The following CSMD1 variants were observed in gnomAD, a reference collection of about 807,000 sequenced individuals.
The protein encoded by CSMD1 is CUB and sushi domain-containing protein 1.
In CSMD1, 213 loss-of-function variants were observed where a neutral mutation model predicts 417.5. The observed-to-expected ratio is 0.51, with a 90% CI of 0.46 to 0.57. The LOEUF (loss-of-function observed/expected upper bound fraction) is 0.57. CSMD1 is among the 20% of genes least tolerant of loss of function. The pLI is 0.00. For missense variants in CSMD1, 6,923 were observed against 4,529.7 expected, an observed-to-expected ratio of 1.53 and a Z score of -15.17; for synonymous variants, 2,862 against 1,736.8, an observed-to-expected ratio of 1.65 and a Z score of -16.11.
At chr8:3,801,017 G>A (rs1800425701) in intron 5 of CSMD1, among the ~76,000 whole-genome samples, 1 of 151,578 alleles carries the variant, frequency 6.6e-6, no homozygotes, top group South Asian at 2.1e-4. Flanking sequence ...AAAAATATTT[G>A]AAAAAAGCAA....
intron 8 of CSMD1, among the ~76,000 whole-genome samples, chr8:3,596,190 T>C (rs1584938314): frequency 6.6e-6 from 1 of 152,062 alleles, no homozygotes. Flanking sequence ...GAAGCAGAGC[T>C]CCAGCAGCCT....
At chr8:3,962,215 G>A (rs1812377500) in intron 5 of CSMD1, among the ~76,000 whole-genome samples, 1 of 152,082 alleles carries the variant, frequency 6.6e-6, no homozygotes. Flanking sequence ...GGATTGTTTT[G>A]CACCTGTCAA....
chr8:3,540,506 T>C (rs1184667776), intron 10 of CSMD1, among the ~76,000 whole-genome samples: 1 of 152,032 alleles, frequency 6.6e-6, no homozygotes, highest in African/African-American at 2.4e-5. Flanking sequence ...CAAAAGCAAT[T>C]ACAACAAAAG....
At chr8:4,708,281 T>C (rs945446562) in intron 1 of CSMD1, among the ~76,000 whole-genome samples, 1 of 152,202 alleles carries the variant, frequency 6.6e-6, no homozygotes, top group African/African-American at 2.4e-5. Flanking sequence ...CTTCAGAATA[T>C]AAATCATTGT....
intron 3 of CSMD1, among the ~76,000 whole-genome samples, chr8:4,037,614 G>C (rs1002951505): frequency 1.8e-5 from 1 of 56,954 alleles, no homozygotes; most frequent in Admixed American, 1.5e-4. Context: ...ATGGACTTTA[G>C]GTCTCTTATA....
At chr8:4,856,963 AT>A (rs1169798876) in intron 1 of CSMD1, among the ~76,000 whole-genome samples, 3 of 151,630 alleles carry the variant, frequency 2.0e-5, no homozygotes, top group Non-Finnish European at 2.9e-5. Context: ...CAGAATATAC[AT>A]TTTTTTCAGC....
intron 2 of CSMD1, among the ~76,000 whole-genome samples, chr8:4,545,742 C>G (rs531223004): frequency 6.6e-6 from 1 of 152,272 alleles, no homozygotes; most frequent in South Asian, 2.1e-4. Context: ...CTTTCACAGG[C>G]ATCCATGGAA....
At chr8:3,558,311 CTCCAA>C (rs1799262995) in intron 10 of CSMD1, among the ~76,000 whole-genome samples, 1 of 139,836 alleles carries the variant, frequency 7.2e-6, no homozygotes, top group Non-Finnish European at 1.6e-5. Context: ...GTGTTCACTC[CTCCAA>C]TGATGAATGA....
At chr8:4,258,895 T>A (rs929887947) in intron 3 of CSMD1, among the ~76,000 whole-genome samples, 21 of 152,316 alleles carry the variant, frequency 1.4e-4, no homozygotes, top group Admixed American at 1.2e-3. Context: ...CCATGTGTTT[T>A]AAACTTTGCT....
At chr8:4,259,162 G>T (rs1177092893) in intron 3 of CSMD1, among the ~76,000 whole-genome samples, 3 of 152,242 alleles carry the variant, frequency 2.0e-5, no homozygotes, top group South Asian at 2.1e-4. Flanking sequence ...TCTCACACAC[G>T]AAGCTAAGGG....
intron 1 of CSMD1, among the ~76,000 whole-genome samples, chr8:4,679,150 C>G (rs1055430579): frequency 4.6e-5 from 7 of 152,058 alleles, no homozygotes; most frequent in Non-Finnish European, 8.8e-5. Context: ...TTGATATGGC[C>G]AAGATCAACC....
chr8:4,112,100 ACCACATTAGC>A (rs933354695), intron 3 of CSMD1, among the ~76,000 whole-genome samples: 2 of 152,156 alleles, frequency 1.3e-5, no homozygotes, highest in Non-Finnish European at 2.9e-5. Context: ...AACTGAAGGA[ACCACATTAGC>A]CCACAAGATC....
chr8:4,771,119 T>C (rs1318962603), intron 1 of CSMD1, among the ~76,000 whole-genome samples: 2 of 152,190 alleles, frequency 1.3e-5, no homozygotes, highest in African/African-American at 2.4e-5. Flanking sequence ...TATAACCTCA[T>C]GTTAAAATTG....
At chr8:4,300,019 G>A (rs919266424) in intron 3 of CSMD1, among the ~76,000 whole-genome samples, 1 of 152,162 alleles carries the variant, frequency 6.6e-6, no homozygotes, top group Non-Finnish European at 1.5e-5. Context: ...CTACAAGTTT[G>A]TATAAAGAGG....
chr8:4,879,150 T>G (rs1799312308), intron 1 of CSMD1, among the ~76,000 whole-genome samples: 3 of 151,962 alleles, frequency 2.0e-5, no homozygotes, highest in Admixed American at 2.0e-4. Flanking sequence ...GGTGGCAGCT[T>G]TAAAAAATAT....
At chr8:4,046,731 AC>A in intron 3 of CSMD1, among the ~76,000 whole-genome samples, 1 of 152,298 alleles carries the variant, frequency 6.6e-6, no homozygotes, top group East Asian at 1.9e-4. Flanking sequence ...AATGATTTAA[AC>A]TTTTTTTCTG....
intron 10 of CSMD1, among the ~76,000 whole-genome samples, chr8:3,527,848 G>C (rs1302688902): frequency 1.3e-5 from 2 of 152,206 alleles, no homozygotes; most frequent in African/African-American, 2.4e-5. Context: ...TCTCTTAACA[G>C]AGAGATACAT....
At chr8:4,244,624 T>A (rs907437702) in intron 3 of CSMD1, among the ~76,000 whole-genome samples, 9 of 152,072 alleles carry the variant, frequency 5.9e-5, no homozygotes, top group Non-Finnish European at 1.0e-4. Context: ...GCACTGAACA[T>A]GACAAATTTC....
intron 3 of CSMD1, among the ~76,000 whole-genome samples, chr8:4,161,704 AATC>A (rs1451170388): frequency 1.3e-5 from 2 of 152,214 alleles, no homozygotes; most frequent in African/African-American, 4.8e-5. Context: ...ATCTGCCACG[AATC>A]ATAAGAAAAC....
Sources: gnomAD v4.1 joint callset for allele counts (sites outside exome capture counted in the v4.1 genomes callset) on GRCh38, gnomAD v4.1.1 for gene constraint, MANE v1.5 for transcripts, NCBI Gene and HGNC (gene_info 2026-07-23, HGNC 2026-07-21) for gene names.